Variants in TTC28 observed in about 807,000 individuals in gnomAD.
The protein encoded by TTC28 is tetratricopeptide repeat protein 28.
In TTC28, 61 loss-of-function variants were observed where a neutral mutation model predicts 198.0. The observed-to-expected ratio is 0.31, with a 90% CI of 0.25 to 0.38. The LOEUF is 0.38. Ranked by LOEUF, TTC28 falls within the 10% of genes least tolerant of loss-of-function variation. The pLI is 1.00. For missense variants in TTC28, 2,678 were observed against 3,164.0 expected, an observed-to-expected ratio of 0.85 and a Z score of 3.69; for synonymous variants, 1,171 against 1,297.8, an observed-to-expected ratio of 0.90 and a Z score of 2.10.
chr22:28,557,305 A>G (rs1298390766), intron 2 of TTC28, among the ~76,000 whole-genome samples: 2 of 152,190 alleles, frequency 1.3e-5, no homozygotes, highest in Non-Finnish European at 2.9e-5. Context: ...AGAGACTTAC[A>G]TTAAACCTTC....
chr22:28,245,057 T>TAGAACAGAATGTGGAGAG (rs1297900746), intron 5 of TTC28, among the ~76,000 whole-genome samples: 2 of 152,174 alleles, frequency 1.3e-5, no homozygotes, highest in Admixed American at 6.6e-5. Context: ...TAGAGCCAGC[T>TAGAACAGAATGTGGAGAG]AGAACAGAAT....
chr22:28,083,590 C>A (rs867424937), intron 12 of TTC28, among the ~76,000 whole-genome samples: 13 of 152,246 alleles, frequency 8.5e-5, no homozygotes, highest in Non-Finnish European at 1.8e-4. Context: ...GTGAGCGATG[C>A]AGAAGACGGG....
At chr22:28,627,837 A>T (rs2051101681) in intron 2 of TTC28, among the ~76,000 whole-genome samples, 1 of 152,222 alleles carries the variant, frequency 6.6e-6, no homozygotes, top group African/African-American at 2.4e-5. Context: ...ACAAGGCAGC[A>T]GCAATACTAG....
At chr22:28,081,008 T>G (rs1376715861) in intron 12 of TTC28, among the ~76,000 whole-genome samples, 1 of 152,112 alleles carries the variant, frequency 6.6e-6, no homozygotes, top group East Asian at 1.9e-4. Flanking sequence ...CATAAGGGTT[T>G]ATTTCTGGGC....
At chr22:28,113,437 T>A (rs1569146315) in intron 6 of TTC28, among the ~76,000 whole-genome samples, 1 of 152,190 alleles carries the variant, frequency 6.6e-6, no homozygotes, top group Non-Finnish European at 1.5e-5. Flanking sequence ...GGGTTCACTT[T>A]CTAAATGATG....
rs1182068463 is a variant in TTC28 at position 28,553,895 on chromosome 22, G to A, written c.381+75657C>T. ...GTGTGCCCAGCGGCTCATTGAGAAC[G>A]GGCCATGATGACAGTGGCAGTTTTG... On this transcript the variant is annotated intron_variant, in intron 2 of 22. Transcript: ENST00000397906. 7.2e-5 allele frequency among the ~76,000 whole-genome samples: 11 copies of A among 152,384 alleles called. No homozygotes were observed. The South Asian group carries it at 1.0e-3, about 14-fold the overall frequency.
intron 21 of TTC28, among the ~76,000 whole-genome samples, chr22:27,988,281 C>CT (rs138641): frequency 0.027 from 2,728 of 99,358 alleles, 72 homozygotes; most frequent in East Asian, 0.044. Context: ...AAGAAGCTTG[C>CT]TTTTTTTTTT....
chr22:28,489,088 A>G (rs1325441023), intron 2 of TTC28, among the ~76,000 whole-genome samples: 1 of 152,136 alleles, frequency 6.6e-6, no homozygotes, highest in African/African-American at 2.4e-5. Context: ...GCTTGAGACC[A>G]GCCTGGGCAA....
At chr22:28,062,480 A>G (rs1031768636) in intron 12 of TTC28, among the ~76,000 whole-genome samples, 1 of 28,676 alleles carries the variant, frequency 3.5e-5, no homozygotes, top group Non-Finnish European at 8.6e-5. Flanking sequence ...TTGGCTTTTT[A>G]TTTTTTAGAG....
chr22:27,990,079 T>G (rs1937346689), intron 20 of TTC28, 72 bp from the exon 21 acceptor site: 2 of 1,499,210 alleles, frequency 1.3e-6, no homozygotes, highest in African/African-American at 2.8e-5. Flanking sequence ...CTCGACCCAT[T>G]ATTCTTATGT....
chr22:28,181,677 T>G (rs1217824365), intron 5 of TTC28, among the ~76,000 whole-genome samples: 1 of 152,166 alleles, frequency 6.6e-6, no homozygotes, highest in Non-Finnish European at 1.5e-5. Context: ...GATGAAAACA[T>G]CAGAGGAAAT....
chr22:28,397,616 A>C (rs745727931), intron 2 of TTC28, among the ~76,000 whole-genome samples: 20 of 152,286 alleles, frequency 1.3e-4, no homozygotes, highest in Non-Finnish European at 2.2e-4. Flanking sequence ...ATTCGACTGA[A>C]CCATTACTGA....
chr22:28,178,745 T>C (rs1923419494), intron 5 of TTC28, among the ~76,000 whole-genome samples: 1 of 152,222 alleles, frequency 6.6e-6, no homozygotes, highest in Non-Finnish European at 1.5e-5. Flanking sequence ...GTTTCATTGA[T>C]CATTATAATA....
intron 12 of TTC28, among the ~76,000 whole-genome samples, chr22:28,068,375 G>T (rs969593144): frequency 6.6e-6 from 1 of 152,096 alleles, no homozygotes; most frequent in Admixed American, 6.5e-5. Context: ...AAGGACTACC[G>T]TAAGAATTAA....
chr22:28,131,568 T>C (rs1285883784), intron 6 of TTC28, among the ~76,000 whole-genome samples: 1 of 152,062 alleles, frequency 6.6e-6, no homozygotes, highest in Non-Finnish European at 1.5e-5. Context: ...CGGAAAAAAA[T>C]CAAAATTTGA....
chr22:28,234,965 T>C, intron 5 of TTC28, among the ~76,000 whole-genome samples: 1 of 152,192 alleles, frequency 6.6e-6, no homozygotes, highest in South Asian at 2.1e-4. Flanking sequence ...ATCTTTTATG[T>C]TATTGCCAAG....
At chr22:28,082,877 ACTTTT>A (rs910415442) in intron 12 of TTC28, among the ~76,000 whole-genome samples, 6 of 152,122 alleles carry the variant, frequency 3.9e-5, no homozygotes, top group Admixed American at 1.3e-4. Context: ...CTGGTCCCAA[ACTTTT>A]CTTTATTGGG....
At chr22:28,189,180 T>C (rs1227545843) in intron 5 of TTC28, among the ~76,000 whole-genome samples, 2 of 152,018 alleles carry the variant, frequency 1.3e-5, no homozygotes, top group East Asian at 3.9e-4. Flanking sequence ...AGACCTCATC[T>C]CAAAAATAAC....
intron 5 of TTC28, among the ~76,000 whole-genome samples, chr22:28,237,247 T>C (rs934389185): frequency 2.6e-5 from 4 of 152,168 alleles, no homozygotes; most frequent in African/African-American, 4.8e-5. Flanking sequence ...GATTCTATGA[T>C]AGAATTAAAC....
Sources: gnomAD v4.1 joint callset for allele counts (sites outside exome capture counted in the v4.1 genomes callset) on GRCh38, gnomAD v4.1.1 for gene constraint, MANE v1.5 for transcripts, NCBI Gene and HGNC (gene_info 2026-07-23, HGNC 2026-07-21) for gene names.